KRT23: variants seen among roughly 807,000 people sequenced by gnomAD.
KRT23 encodes keratin 23, also known as keratin, type I cytoskeletal 23.
In KRT23, 38 loss-of-function variants were observed where a neutral mutation model predicts 47.6. The ratio of observed to expected loss-of-function variants is 0.80; its 90% CI spans 0.62 to 1.05. KRT23 has a LOEUF of 1.05. KRT23 is among the 50% of genes least tolerant of loss of function. The pLI is 0.00. For synonymous variants in KRT23, 191 were observed against 199.0 expected, an observed-to-expected ratio of 0.96 and a Z score of 0.34; for missense variants, 503 against 529.5, an observed-to-expected ratio of 0.95 and a Z score of 0.49.
At chr17:40,931,783 T>C (rs1909708938) in intron 2 of KRT23, among the ~76,000 whole-genome samples, 1 of 152,236 alleles carries the variant, frequency 6.6e-6, no homozygotes, top group Non-Finnish European at 1.5e-5. Context: ...TTGTTCAAAA[T>C]GCCCTCTAAC....
At chr17:40,931,349 C>G (rs1597882071) in intron 3 of KRT23, 24 bp downstream of exon 3, 1 of 1,566,386 alleles carries the variant, frequency 6.4e-7, no homozygotes. Context: ...AAAACCCGAA[C>G]AACCCTGTGA....
chr17:40,923,574 G>T lies in KRT23; in HGVS notation c.1175-491C>A, dbSNP rs182511605. Reference sequence around the variant, plus strand: ...AAGTGCCTGTTGAAACATCAATAAAGCAATTCTAGACCATAGGGAAGAATT... The same window carrying T: ...AAGTGCCTGTTGAAACATCAATAAATCAATTCTAGACCATAGGGAAGAATT... On this transcript the variant is annotated intron_variant, in intron 8 of 8. Coordinates refer to ENST00000209718, the MANE Select transcript of KRT23 (RefSeq NM_015515.5). Among the ~76,000 whole-genome samples the T allele has an allele frequency of 1.9e-3, 290 of 152,296 alleles. 2 individuals are homozygous for T. Among genetic ancestry groups the T allele is most frequent in the African/African-American group, 6.7e-3 (278 of 41,552 alleles).
chr17:40,925,823 T>G (rs1041630725), intron 6 of KRT23, among the ~76,000 whole-genome samples: 1 of 152,178 alleles, frequency 6.6e-6, no homozygotes, highest in African/African-American at 2.4e-5. Flanking sequence ...ATTTTATCTT[T>G]GACCTGATTG....
chr17:40,936,513 C>T lies in KRT23; in HGVS notation c.91G>A (p.Ala31Thr). 6.5e-7 allele frequency: 1 copy of T among 1,529,470 alleles called. No homozygotes were observed. Among genetic ancestry groups the T allele is most frequent in the Non-Finnish European group, 8.8e-7 (1 of 1,140,918 alleles). 94.7% of individuals were successfully genotyped at this position (1,529,470 alleles called of 1,614,324 possible). ...CCCGCACCGCCATGGACGGTGGGAGCCCTGGGGAAGCTCCTGGGCCGGCCC... is the reference window on the plus strand; with the variant it reads ...CCCGCACCGCCATGGACGGTGGGAGTCCTGGGGAAGCTCCTGGGCCGGCCC... ...GWGRPRSFPRAPTVHGGAGGA... is the reference protein window; with the variant it reads ...GWGRPRSFPRTPTVHGGAGGA... Residue 31 changes from alanine to threonine, a missense_variant, in exon 2 of 9, where the codon GCT becomes ACT. By Grantham distance (58) the Ala-to-Thr change is moderately conservative. Coordinates refer to ENST00000209718, the MANE Select transcript of KRT23 (RefSeq NM_015515.5).
At chr17:40,928,953 C>T (rs771862236) in intron 4 of KRT23, among the ~76,000 whole-genome samples, 32 of 138,392 alleles carry the variant, frequency 2.3e-4, no homozygotes, top group Non-Finnish European at 4.8e-4. Flanking sequence ...CTTGAACCTG[C>T]GAGGTGGAGG....
chr17:40,923,305 G>A (rs905345634), intron 8 of KRT23, among the ~76,000 whole-genome samples: 10 of 152,202 alleles, frequency 6.6e-5, no homozygotes, highest in African/African-American at 2.2e-4. Context: ...GTCACCTTCT[G>A]GAGGTGAAGA....
At chr17:40,929,321 C>A (rs1284478532) in intron 4 of KRT23, among the ~76,000 whole-genome samples, 2 of 152,172 alleles carry the variant, frequency 1.3e-5, no homozygotes, top group Non-Finnish European at 2.9e-5. Flanking sequence ...GGCTGACGCC[C>A]ATAGGATTTC....
At chr17:40,924,647 T>C in intron 7 of KRT23, 144 bp from the exon 8 acceptor site, 1 of 676,596 alleles carries the variant, frequency 1.5e-6, no homozygotes, top group Non-Finnish European at 2.5e-6. Flanking sequence ...AGTCTCAAGG[T>C]CATGGGTTCA....
intron 6 of KRT23, 111 bp downstream of exon 6, chr17:40,928,127 A>C: frequency 7.4e-7 from 1 of 1,343,858 alleles, no homozygotes; most frequent in Non-Finnish European, 1.0e-6. Flanking sequence ...TGGAAAGTGG[A>C]AAGTGAGAGT....
At chr17:40,931,168 T>C (rs949961459) in intron 3 of KRT23, among the ~76,000 whole-genome samples, 8 of 151,894 alleles carry the variant, frequency 5.3e-5, no homozygotes, top group Non-Finnish European at 1.0e-4. Flanking sequence ...TGTGCCACCA[T>C]GCCCAGCTAA....
chr17:40,933,742 A>G (rs567243152), intron 2 of KRT23, among the ~76,000 whole-genome samples: 173 of 152,372 alleles, frequency 1.1e-3, no homozygotes, highest in African/African-American at 3.9e-3. Context: ...CAGAATTATG[A>G]TATAACCATC....
chr17:40,922,873 A>C lies in KRT23; in HGVS notation c.*116T>G, dbSNP rs1251908733. ...GACTGTTACAGAAAAAAAAAATAAA[A>C]GTTTCTGAGTCTGATAATTCCAAGG... On this transcript the variant is annotated 3_prime_UTR_variant, in exon 9 of 9. Coordinates refer to ENST00000209718, the MANE Select transcript of KRT23 (RefSeq NM_015515.5). 2 of 709,834 alleles carry C rather than the reference A, an allele frequency of 2.8e-6. No individual in the cohort carries two copies. The highest frequency in any genetic ancestry group is 4.8e-6 in the Non-Finnish European group (2 of 414,092). The allele number at this position is 709,834 out of a possible 1,614,324, so 44.0% of individuals were successfully genotyped here.
intron 7 of KRT23, among the ~76,000 whole-genome samples, chr17:40,924,990 T>C (rs1006233019): frequency 3.7e-5 from 4 of 106,754 alleles, no homozygotes; most frequent in African/African-American, 1.8e-4. Context: ...CTAGCTCATA[T>C]GCATCTTTTT....
chr17:40,930,010 G>T lies in KRT23; in HGVS notation c.566C>A (p.Thr189Lys), dbSNP rs552001676. ...RRTLDNLTIV[T>K]TDLEQEVEGM... ...TTCCACCTCCTGTTCTAGGTCTGTT[G>T]TGACAATGGTCAGGTTGTCTAAGGT... Residue 189 changes from threonine (T) to lysine (K), a missense_variant, in exon 4 of 9, where the codon ACA becomes AAA. By Grantham distance (78) the Thr-to-Lys change is moderately conservative. Transcript: ENST00000209718. 15 of 1,614,114 alleles carry T rather than the reference G, an allele frequency of 9.3e-6. No individual in the cohort carries two copies. The South Asian group carries it at 1.6e-4, about 18-fold the overall frequency.
In KRT23 at chr17:40,931,457, T is replaced by C. The variant is rs773431610; in HGVS notation, c.397-2A>G. Reference sequence around the variant, plus strand: ...ATTGGTCATCTTACCATCCACTATCTGTAAAACATGCACAAAAGCACAAAA... The same window carrying C: ...ATTGGTCATCTTACCATCCACTATCCGTAAAACATGCACAAAAGCACAAAA... On this transcript the variant is annotated splice_acceptor_variant, in intron 2 of 8. Coordinates refer to ENST00000209718, the MANE Select transcript of KRT23 (RefSeq NM_015515.5). LOFTEE classifies it high-confidence loss of function. 6.2e-7 allele frequency: 1 copy of C among 1,611,198 alleles called. No homozygotes were observed. Among genetic ancestry groups the C allele is most frequent in the Admixed American group, 1.7e-5 (1 of 60,022 alleles).
At position 40,936,404 on chromosome 17, in the gene KRT23, AG is replaced by A; in HGVS notation, c.199del (p.Leu67TyrfsTer2). ...GSWGSGRSSP[L>X]LGGNGKATMQ... ...GGTGGCCTTCCCATTTCCGCCTAGT[AG>A]GGGGCTGCTTCTTCCAGAACCCCAA... is the stretch of plus-strand genomic sequence containing the variant. On this transcript the variant is annotated frameshift_variant, in exon 2 of 9. Coordinates refer to ENST00000209718, the MANE Select transcript of KRT23 (RefSeq NM_015515.5). LOFTEE classifies it high-confidence loss of function. 6.2e-7 allele frequency: 1 copy of A among 1,614,022 alleles called. No homozygotes were observed. Among genetic ancestry groups the A allele is most frequent in the Non-Finnish European group, 8.5e-7 (1 of 1,179,950 alleles).
chr17:40,925,056 G>T, intron 7 of KRT23: 1 of 391,138 alleles, frequency 2.6e-6, no homozygotes. Context: ...CTTTTTTTTG[G>T]AGCCAAAATT....
rs117119341 is a variant in KRT23, at chr17:40,928,386, G to A, written c.799-26C>T. 5.0e-4 allele frequency: 809 copies of A among 1,614,172 alleles called. 3 individuals carry two copies. In the East Asian group the frequency reaches 0.012, roughly 23 times the overall value. On this transcript the variant is annotated intron_variant, in intron 5 of 8. Coordinates refer to ENST00000209718, the MANE Select transcript of KRT23 (RefSeq NM_015515.5). ...CTGTGGGACCAAGCAAGGCAAAGGC[G>A]TCAGCATTGGGACCTCATGGAAATG...
At position 40,923,018 on chromosome 17, in the gene KRT23, G is replaced by A. The variant is rs1359370525; in HGVS notation, c.1240C>T (p.Gln414Ter). 1.9e-6 allele frequency: 3 copies of A among 1,613,808 alleles called. No homozygotes were observed. Residue 414 changes from glutamine (Q) to a stop codon, truncating the protein, a stop_gained, in exon 9 of 9, where the codon CAA becomes TAA. Transcript: ENST00000209718. LOFTEE classifies it high-confidence loss of function. ...ETINGRLVLC[Q>*]VNEIQKHA is the part of the protein sequence containing the mutation. ...GCGTGCTTTTGGATTTCATTCACTT[G>A]ACAAAGAACTAATCTTCCGTTGATG...
Sources: gnomAD v4.1 joint callset for allele counts (sites outside exome capture counted in the v4.1 genomes callset) on GRCh38, gnomAD v4.1.1 for gene constraint, MANE v1.5 for transcripts, NCBI Gene and HGNC (gene_info 2026-07-23, HGNC 2026-07-21) for gene names.